Variants in KBTBD2 observed in about 807,000 individuals in gnomAD.
The protein encoded by KBTBD2 is kelch repeat and BTB domain-containing protein 2.
In KBTBD2, 17 loss-of-function variants were observed where a neutral mutation model predicts 57.1. The observed-to-expected ratio is 0.30, with a 90% CI of 0.20 to 0.45. KBTBD2 has a LOEUF of 0.45. Ranked by LOEUF, KBTBD2 falls within the 20% of genes least tolerant of loss-of-function variation. KBTBD2 has a pLI of 1.00. For synonymous variants in KBTBD2, 267 were observed against 262.7 expected, an observed-to-expected ratio of 1.02 and a Z score of -0.16; for missense variants, 515 against 750.6, an observed-to-expected ratio of 0.69 and a Z score of 3.67.
rs2127946741 is a variant in KBTBD2 at position 32,869,167 on chromosome 7, TTCTG to T, written c.*174_*177del. 1.9e-6 allele frequency: 1 copy of T among 528,650 alleles called. No homozygotes were observed. Among genetic ancestry groups the T allele is most frequent in the Non-Finnish European group, 3.3e-6 (1 of 301,670 alleles). 32.7% of individuals were successfully genotyped at this position (528,650 alleles called of 1,614,324 possible). A position where few individuals can be genotyped will look rare whatever the true frequency, so the allele number is the denominator to read the frequency against. ...TATTTCATATTATGGAAGCATATCT[TTCTG>T]TAAGACTCACTGATATATATTATAC... is the stretch of plus-strand genomic sequence containing the variant. On this transcript the variant is annotated 3_prime_UTR_variant, in exon 4 of 4. Coordinates refer to ENST00000304056, the MANE Select transcript of KBTBD2 (RefSeq NM_015483.3).
chr7:32,886,069 C>T (rs1181184467), intron 1 of KBTBD2, among the ~76,000 whole-genome samples: 6 of 152,002 alleles, frequency 3.9e-5, no homozygotes, highest in African/African-American at 9.7e-5. Context: ...CCACCATGTC[C>T]GGCTAATTTT....
At chr7:32,890,921 G>A (rs1178843933) in intron 1 of KBTBD2, 1 of 152,188 alleles carries the variant, frequency 6.6e-6, no homozygotes, top group Non-Finnish European at 1.5e-5. Context: ...AATCCGTAGG[G>A]AGAAGGAGGT....
intron 1 of KBTBD2, among the ~76,000 whole-genome samples, chr7:32,883,064 G>A (rs1024370313): frequency 8.6e-5 from 13 of 151,044 alleles, no homozygotes; most frequent in African/African-American, 3.2e-4. Context: ...ACTTCAAAAG[G>A]TATTAACTAA....
At chr7:32,891,304 G>C (rs1163631632) in intron 1 of KBTBD2, among the ~76,000 whole-genome samples, 2 of 148,672 alleles carry the variant, frequency 1.3e-5, no homozygotes, top group African/African-American at 2.4e-5. Context: ...GGACCTGCCC[G>C]GAGCTCCGCC....
At chr7:32,890,606 G>A (rs147030525) in intron 1 of KBTBD2, among the ~76,000 whole-genome samples, 76 of 152,328 alleles carry the variant, frequency 5.0e-4, no homozygotes, top group African/African-American at 1.7e-3. Flanking sequence ...CCTAAATGCT[G>A]TGAGCCCGAC....
rs1323643303 is a variant in KBTBD2, at chr7:32,870,689, T to C, written c.528A>G (p.Leu176=). 6.2e-7 allele frequency: 1 copy of C among 1,614,166 alleles called. No individual in the cohort carries two copies. Among genetic ancestry groups the C allele is most frequent in the African/African-American group, 1.3e-5 (1 of 75,058 alleles). The change falls in exon 4 of 4, where the codon CTA becomes CTG. Residue 176 remains leucine (L), a synonymous_variant. Transcript: ENST00000304056. ...TGTCACTACTGAGAATATCTATCAG[T>C]AGGTCATGTGACAGCTGCATGAACG... ...QDAFMQLSHD[L]LIDILSSDNL...
At chr7:32,874,943 C>A (rs369082376) in intron 3 of KBTBD2, 49 bp downstream of exon 3, 2 of 1,550,244 alleles carry the variant, frequency 1.3e-6, no homozygotes, top group African/African-American at 2.7e-5. Flanking sequence ...TGCACTCCAG[C>A]CTGGGCAACA....
At chr7:32,889,200 A>G (rs142370582) in intron 1 of KBTBD2, among the ~76,000 whole-genome samples, 7,543 of 151,928 alleles carry the variant, frequency 0.05, 258 homozygotes, top group East Asian at 0.12. Flanking sequence ...CTGAGGCAGG[A>G]GAATGGCGTG....
chr7:32,876,267 T>C (rs1784309014), intron 2 of KBTBD2, among the ~76,000 whole-genome samples: 1 of 152,182 alleles, frequency 6.6e-6, no homozygotes, highest in Non-Finnish European at 1.5e-5. Context: ...GGGCACTAAC[T>C]TGGGCCCCTC....
rs1430613379 is a variant in KBTBD2 at position 32,869,209 on chromosome 7, TAAG to T, written c.*133_*135del. On this transcript the variant is annotated 3_prime_UTR_variant, in exon 4 of 4. Transcript: ENST00000304056. ...ATATATATTATACTGATGCAAATAT[TAAG>T]TAGGGCATAAAAATAAAATTTATCA... 2 of 612,984 alleles carry T rather than the reference TAAG, an allele frequency of 3.3e-6. No individual in the cohort carries two copies. The highest frequency in any genetic ancestry group is 3.7e-5 in the African/African-American group (2 of 54,176). The allele number at this position is 612,984 out of a possible 1,614,324, so 38.0% of individuals were successfully genotyped here.
Position 32,879,849 on chromosome 7 carries a change from A to C in KBTBD2, c.-245T>G, listed in dbSNP as rs1217187758. ...AACACAGTCTGCAGACATTGTGCTC[A>C]AATCTGCAATTGTGCAGCTCATGAG... is the stretch of plus-strand genomic sequence containing the variant. On this transcript the variant is annotated 5_prime_UTR_variant, in exon 2 of 4. Coordinates refer to ENST00000304056, the MANE Select transcript of KBTBD2 (RefSeq NM_015483.3). 2 of 411,930 alleles carry C rather than the reference A, an allele frequency of 4.9e-6. No individual in the cohort carries two copies. The highest frequency in any genetic ancestry group is 8.6e-6 in the Non-Finnish European group (2 of 231,370). The allele number at this position is 411,930 out of a possible 1,614,324, so 25.5% of individuals were successfully genotyped here.
chr7:32,872,318 T>A (rs1395035295), intron 3 of KBTBD2, among the ~76,000 whole-genome samples: 1 of 152,212 alleles, frequency 6.6e-6, no homozygotes, highest in Non-Finnish European at 1.5e-5. Flanking sequence ...ACCAGCAAGC[T>A]ACCCCAGCCT....
intron 1 of KBTBD2, among the ~76,000 whole-genome samples, chr7:32,885,384 A>C (rs1418710149): frequency 6.6e-6 from 1 of 151,414 alleles, no homozygotes; most frequent in Non-Finnish European, 1.5e-5. Context: ...TCTTTTACCT[A>C]GTCACACAAC....
At position 32,870,918 on chromosome 7, in the gene KBTBD2, C is replaced by A. The variant is rs376634831; in HGVS notation, c.337-38G>T. ...GGAAAAAAAAAACAGGCTGATAGGGCCAGGACAGACACATTTTACTTTTAT... is the reference window on the plus strand; with the variant it reads ...GGAAAAAAAAAACAGGCTGATAGGGACAGGACAGACACATTTTACTTTTAT... On this transcript the variant is annotated intron_variant, in intron 3 of 3. Transcript: ENST00000304056. 2.2e-3 allele frequency: 2,714 copies of A among 1,236,130 alleles called. 2 individuals are homozygous for A. The highest frequency in any genetic ancestry group is 2.8e-3 in the Non-Finnish European group (2,497 of 907,640). The allele number at this position is 1,236,130 out of a possible 1,614,324, so 76.6% of individuals were successfully genotyped here.
chr7:32,876,101 A>C (rs1181586780), intron 2 of KBTBD2, among the ~76,000 whole-genome samples: 1 of 152,232 alleles, frequency 6.6e-6, no homozygotes, highest in African/African-American at 2.4e-5. Flanking sequence ...ACACTTTCCT[A>C]AAAATCTATT....
intron 1 of KBTBD2, among the ~76,000 whole-genome samples, chr7:32,890,704 A>G (rs1208183797): frequency 6.6e-6 from 1 of 152,176 alleles, no homozygotes; most frequent in Non-Finnish European, 1.5e-5. Context: ...GTTCACACAC[A>G]CACCCTTTTA....
intron 1 of KBTBD2, among the ~76,000 whole-genome samples, chr7:32,882,479 G>A (rs1463344435): frequency 9.2e-5 from 14 of 152,072 alleles, no homozygotes; most frequent in Admixed American, 8.5e-4. Flanking sequence ...CCATGAAACC[G>A]TATTAAAACA....
rs1784088419 is a variant in KBTBD2, at chr7:32,868,711, G to A, written c.*634C>T. Reference sequence around the variant, plus strand: ...GTCCACACCTGGTAAATGACCAGCTGACTGGAAGACCTGTATTCTAGATAG... The same window carrying A: ...GTCCACACCTGGTAAATGACCAGCTAACTGGAAGACCTGTATTCTAGATAG... On this transcript the variant is annotated 3_prime_UTR_variant, in exon 4 of 4. Coordinates refer to ENST00000304056, the MANE Select transcript of KBTBD2 (RefSeq NM_015483.3). The A allele has an allele frequency of 6.6e-6, 1 of 152,614 alleles. No individual in the cohort carries two copies. Among genetic ancestry groups the A allele is most frequent in the African/African-American group, 2.4e-5 (1 of 41,448 alleles). 9.5% of individuals were successfully genotyped at this position (152,614 alleles called of 1,614,324 possible).
chr7:32,874,975 A>AT lies in KBTBD2; in HGVS notation c.336+16_336+17insA, dbSNP rs1562532770. On this transcript the variant is annotated intron_variant, in intron 3 of 3. Transcript: ENST00000304056. ...AACAGAGAGAGACTCCGTCTAAAAA[A>AT]ATATATATATGCTTACCTGTAGGAA... 3 of 1,608,882 alleles carry AT rather than the reference A, an allele frequency of 1.9e-6. No individual in the cohort carries two copies. Among genetic ancestry groups the AT allele is most frequent in the Non-Finnish European group, 2.5e-6 (3 of 1,176,506 alleles).
Sources: gnomAD v4.1 joint callset for allele counts (sites outside exome capture counted in the v4.1 genomes callset) on GRCh38, gnomAD v4.1.1 for gene constraint, MANE v1.5 for transcripts, NCBI Gene and HGNC (gene_info 2026-07-23, HGNC 2026-07-21) for gene names.